The following ANKRD13D variants were observed in gnomAD, a reference collection of about 807,000 sequenced individuals.
ANKRD13D encodes the protein ankyrin repeat domain 13D.
A neutral mutation model predicts 68.8 loss-of-function variants in ANKRD13D; 24 were observed. The ratio of observed to expected loss-of-function variants is 0.35; its 90% CI spans 0.25 to 0.49. The LOEUF (loss-of-function observed/expected upper bound fraction) is 0.49. Ranked by LOEUF, ANKRD13D falls within the 20% of genes least tolerant of loss-of-function variation. ANKRD13D has a pLI of 0.99. For synonymous variants in ANKRD13D, 331 were observed against 336.1 expected (o/e 0.98, Z 0.16); for missense variants, 735 against 832.1 (o/e 0.88, Z 1.44).
Position 67,289,348 on chromosome 11 carries a change from A to G in ANKRD13D, c.-113A>G. 7.7e-6 allele frequency: 5 copies of G among 653,068 alleles called. No homozygotes were observed. Among genetic ancestry groups the G allele is most frequent in the Non-Finnish European group, 9.8e-6 (5 of 511,012 alleles). The allele number at this position is 653,068 out of a possible 1,614,324, so 40.5% of individuals were successfully genotyped here. ...TGCCGCCGCCGCCGCCGCCGCCGCT[A>G]CTGCTGCGGGGGCCGCGGGGGGCGC... On this transcript the variant is annotated 5_prime_UTR_variant, in exon 1 of 15. Coordinates refer to ENST00000511455, the MANE Select transcript of ANKRD13D (RefSeq NM_207354.3).
rs186770605 is a variant in ANKRD13D at position 67,295,516 on chromosome 11, G to A, written c.731+3336G>A. Among the ~76,000 whole-genome samples the A allele has an allele frequency of 3.3e-5, 5 of 152,164 alleles. 1 individual carries two copies. The East Asian group carries it at 9.6e-4, about 29-fold the overall frequency. ...GAGGCAGCCAGATCACTTGAGGTCA[G>A]GAGTTTGAGACTAAGCTGGCCAACA... is the stretch of plus-strand genomic sequence containing the variant. On this transcript the variant is annotated intron_variant, in intron 6 of 14. Coordinates refer to ENST00000511455, the MANE Select transcript of ANKRD13D (RefSeq NM_207354.3).
intron 1 of ANKRD13D, 67 bp downstream of exon 1, chr11:67,289,617 T>TGGGGGGGGGGGGGG: frequency 8.9e-7 from 1 of 1,125,058 alleles, no homozygotes; most frequent in East Asian, 3.9e-5. Flanking sequence ...GCCTCCGTCC[T>TGGGGGGGGGGGGGG]GGAGCCCCCC....
chr11:67,291,377 A>C (rs1590864199), intron 3 of ANKRD13D, 99 bp from the exon 4 acceptor site: 5 of 964,696 alleles, frequency 5.2e-6, no homozygotes, highest in African/African-American at 1.7e-5. Context: ...AAAAAAAAAG[A>C]CCTGATGAAG....
In ANKRD13D at chr11:67,290,389, C is replaced by T. The variant is rs1860483602; in HGVS notation, c.294C>T (p.Tyr98=). The T allele has an allele frequency of 2.5e-6, 4 of 1,592,406 alleles. No individual in the cohort carries two copies. The highest frequency in any genetic ancestry group is 1.3e-5 in the African/African-American group (1 of 74,826). The change falls in exon 3 of 15, where the codon TAC becomes TAT. Residue 98 remains tyrosine, a synonymous_variant. Transcript: ENST00000511455. ...AGCTGGTGCTCCAGTATCGGGACTA[C>T]CAGAGGGCCACGCAGAGGCTGGCGG... ...MVQLVLQYRD[Y]QRATQRLAGI...
intron 6 of ANKRD13D, among the ~76,000 whole-genome samples, chr11:67,293,924 G>A (rs1327571286): frequency 6.6e-6 from 1 of 152,194 alleles, no homozygotes; most frequent in Non-Finnish European, 1.5e-5. Flanking sequence ...GTTAATTTTT[G>A]TGTATAGTGG....
chr11:67,301,851 C>G lies in ANKRD13D; in HGVS notation c.1604+28C>G. On this transcript the variant is annotated intron_variant, in intron 14 of 14. Coordinates refer to ENST00000511455, the MANE Select transcript of ANKRD13D (RefSeq NM_207354.3). This position sits in a 1 kb window ranked among gnomAD's most constrained non-coding sequence, Gnocchi z 4.5. ...GAGCCCCTCATGGGGCTGGCTGGGT[C>G]CCTGTCCCCCCAGCCCTGGCTTGGC... The G allele has an allele frequency of 1.3e-6, 2 of 1,560,124 alleles. No homozygotes were observed. The highest frequency in any genetic ancestry group is 1.7e-6 in the Non-Finnish European group (2 of 1,151,956).
In ANKRD13D at chr11:67,290,354, G is replaced by A. The variant is rs770175761; in HGVS notation, c.259G>A (p.Glu87Lys). Residue 87 changes from glutamate (E) to lysine (K), a missense_variant, in exon 3 of 15, where the codon GAG (glutamate) becomes AAG (lysine). By Grantham distance (56) the Glu-to-Lys change is moderately conservative. Coordinates refer to ENST00000511455, the MANE Select transcript of ANKRD13D (RefSeq NM_207354.3). ...GGAGGCAGTCAGCACTGGAGACCCC[G>A]AGATGGTGCAGCTGGTGCTCCAGTA... is the stretch of plus-strand genomic sequence containing the variant. ...LQEAVSTGDP[E>K]MVQLVLQYRD... 29 of 1,570,358 alleles carry A rather than the reference G, an allele frequency of 1.8e-5. No individual in the cohort carries two copies. Among genetic ancestry groups the A allele is most frequent in the Non-Finnish European group, 2.4e-5 (28 of 1,158,130 alleles).
At position 67,301,114 on chromosome 11, in the gene ANKRD13D, C is replaced by G. The variant is rs1206362031; in HGVS notation, c.1198C>G (p.Leu400Val). 1 of 1,614,060 alleles carries G rather than the reference C, an allele frequency of 6.2e-7. No homozygotes were observed. The highest frequency in any genetic ancestry group is 8.5e-7 in the Non-Finnish European group (1 of 1,179,984). Reference protein sequence around the residue: ...HFAKLRDFITLRLPPGFPVKI... With the variant: ...HFAKLRDFITVRLPPGFPVKI... ...TGCCAAGCTGCGCGACTTCATCACT[C>G]TGCGCCTTCCACCTGGCTTCCCCGT... The change falls in exon 11 of 15, where the codon CTG becomes GTG. Residue 400 changes from leucine (L) to valine (V), a missense_variant. Coordinates refer to ENST00000511455, the MANE Select transcript of ANKRD13D (RefSeq NM_207354.3). This position sits in a 1 kb window ranked among gnomAD's most constrained non-coding sequence, Gnocchi z 4.5.
In ANKRD13D at chr11:67,300,130, T is replaced by A. The variant is rs189707125; in HGVS notation, c.1073+7T>A. ...TGTCCAGCAAAGTACAGAGGTGAGGTCTGAGAGCTGGCTGGGGACTTGCCT... is the reference window on the plus strand; with the variant it reads ...TGTCCAGCAAAGTACAGAGGTGAGGACTGAGAGCTGGCTGGGGACTTGCCT... On this transcript the variant is annotated splice_region_variant and intron_variant, in intron 10 of 14. Transcript: ENST00000511455. The surrounding 1 kb of genome is among the most constrained non-coding windows in gnomAD (Gnocchi z 4.3). 8.7e-6 allele frequency: 14 copies of A among 1,613,120 alleles called. No individual in the cohort carries two copies. In the African/African-American group the frequency reaches 1.5e-4, roughly 17 times the overall value.
chr11:67,297,076 A>G (rs893582585), intron 6 of ANKRD13D, among the ~76,000 whole-genome samples: 1 of 151,662 alleles, frequency 6.6e-6, no homozygotes, highest in Non-Finnish European at 1.5e-5. Context: ...AATATTTATT[A>G]TTTCTTTCTG....
intron 3 of ANKRD13D, 194 bp downstream of exon 3, chr11:67,290,640 C>A: frequency 1.2e-6 from 1 of 860,518 alleles, no homozygotes; most frequent in Non-Finnish European, 1.7e-6. Flanking sequence ...GTGGGAGAGA[C>A]TGGACCCTTT....
At chr11:67,294,636 G>T (rs57589444) in intron 6 of ANKRD13D, among the ~76,000 whole-genome samples, 61 of 151,952 alleles carry the variant, frequency 4.0e-4, no homozygotes, top group African/African-American at 1.4e-3. Flanking sequence ...CACCTCCTGG[G>T]TTCAAGCAGT....
rs771884437 is a variant in ANKRD13D at position 67,291,754 on chromosome 11, C to T, written c.541+8C>T. The T allele has an allele frequency of 1.2e-6, 2 of 1,613,632 alleles. No homozygotes were observed. Among genetic ancestry groups the T allele is most frequent in the South Asian group, 2.2e-5 (2 of 91,080 alleles). On this transcript the variant is annotated splice_region_variant and intron_variant, in intron 5 of 14. Coordinates refer to ENST00000511455, the MANE Select transcript of ANKRD13D (RefSeq NM_207354.3). ...TCATCTTCAAGGGCCAGGGTGAGCT[C>T]TGGACAAACTCATTGCAGCTCCTCG...
Position 67,289,621 on chromosome 11 carries a change from GCCCCCCCCCCC to G in ANKRD13D, c.90+77_90+87del, listed in dbSNP as rs368498130. 8 of 808,144 alleles carry G rather than the reference GCCCCCCCCCCC, an allele frequency of 9.9e-6. 1 individual carries two copies. In the African/African-American group the frequency reaches 2.2e-4, roughly 22 times the overall value. The allele number at this position is 808,144 out of a possible 1,614,324, so 50.1% of individuals were successfully genotyped here. A position where few individuals can be genotyped will look rare whatever the true frequency, so the allele number is the denominator to read the frequency against. On this transcript the variant is annotated intron_variant, in intron 1 of 14. Transcript: ENST00000511455. Reference sequence around the variant, plus strand: ...CCAAGGCTGTGGCCTCCGTCCTGGAGCCCCCCCCCCCCCCCCGCCCGCTCAGCTCCGCAGCC... The same window carrying G: ...CCAAGGCTGTGGCCTCCGTCCTGGAGCCCCCGCCCGCTCAGCTCCGCAGCC...
Position 67,291,679 on chromosome 11 carries a change from C to G in ANKRD13D, c.474C>G (p.Thr158=), listed in dbSNP as rs767241002. The G allele has an allele frequency of 6.2e-7, 1 of 1,614,008 alleles. No homozygotes were observed. Residue 158 remains threonine (T), a synonymous_variant, in exon 5 of 15, where the codon ACC becomes ACG. Transcript: ENST00000511455. ...GGGGTGAGAGCCTGCGAGTAGACACCAGTCTCCTGGGCTTCGAGCACATGA... is the reference window on the plus strand; with the variant it reads ...GGGGTGAGAGCCTGCGAGTAGACACGAGTCTCCTGGGCTTCGAGCACATGA... ...WKRGESLRVD[T]SLLGFEHMTW...
In ANKRD13D at chr11:67,300,317, T is replaced by G; in HGVS notation, c.1073+194T>G. On this transcript the variant is annotated intron_variant, in intron 10 of 14. Coordinates refer to ENST00000511455, the MANE Select transcript of ANKRD13D (RefSeq NM_207354.3). The surrounding 1 kb of genome is among the most constrained non-coding windows in gnomAD (Gnocchi z 4.3). ...CAAGGGGCTTGGCACAGAAAACCGG[T>G]AGTTTGTCTTTGATGAATGGATGGT... is the stretch of plus-strand genomic sequence containing the variant. 4 of 695,592 alleles carry G rather than the reference T, an allele frequency of 5.8e-6. No homozygotes were observed. Among genetic ancestry groups the G allele is most frequent in the East Asian group, 3.0e-5 (1 of 32,942 alleles). 43.1% of individuals were successfully genotyped at this position (695,592 alleles called of 1,614,324 possible).
rs549149064 is a variant in ANKRD13D, at chr11:67,289,323, T to TGCCGCC, written c.-120_-115dup. ...GCCCCGCCCTCCCTGCCGCCCGCGC[T>TGCCGCC]GCCGCCGCCGCCGCCGCCGCCGCTA... On this transcript the variant is annotated 5_prime_UTR_variant, in exon 1 of 15. Coordinates refer to ENST00000511455, the MANE Select transcript of ANKRD13D (RefSeq NM_207354.3). The TGCCGCC allele has an allele frequency of 7.4e-5, 28 of 378,088 alleles. No individual in the cohort carries two copies. The highest frequency in any genetic ancestry group is 9.0e-5 in the African/African-American group (4 of 44,536). 23.4% of individuals were successfully genotyped at this position (378,088 alleles called of 1,614,324 possible).
intron 6 of ANKRD13D, among the ~76,000 whole-genome samples, chr11:67,296,795 C>CT (rs1021025077): frequency 4.6e-5 from 7 of 151,952 alleles, no homozygotes; most frequent in Non-Finnish European, 1.0e-4. Flanking sequence ...AGCTAATTTT[C>CT]TTTTTTTGTA....
At chr11:67,297,682 C>T (rs1369837481) in intron 6 of ANKRD13D, among the ~76,000 whole-genome samples, 1 of 151,774 alleles carries the variant, frequency 6.6e-6, no homozygotes, top group Non-Finnish European at 1.5e-5. Flanking sequence ...CCTGCCACCA[C>T]GCCCGGCTAA....
Sources: allele counts gnomAD v4.1 joint callset (sites outside exome capture counted in the v4.1 genomes callset), GRCh38; gene constraint gnomAD v4.1.1; non-coding constraint Gnocchi (gnomAD v3.1); transcripts MANE v1.5; gene names NCBI Gene and HGNC (gene_info 2026-07-23, HGNC 2026-07-21).